AKAP13: variants seen among roughly 807,000 people sequenced by gnomAD.
The protein encoded by AKAP13 is A-kinase anchor protein 13.
In AKAP13, 80 loss-of-function variants were observed where a neutral mutation model predicts 264.5. The observed-to-expected ratio is 0.30, with a 90% CI of 0.25 to 0.36. The LOEUF (loss-of-function observed/expected upper bound fraction) is 0.36. AKAP13 is among the 10% of genes least tolerant of loss of function. The pLI is 1.00. For missense variants in AKAP13, 3,712 were observed against 3,435.2 expected (o/e 1.08, Z -2.01); for synonymous variants, 1,380 against 1,250.2 (o/e 1.10, Z -2.19).
chr15:85,580,878 T>C lies in AKAP13; in HGVS notation c.2810T>C (p.Ile937Thr), dbSNP rs761936841. The change falls in exon 7 of 37, where the codon ATT (isoleucine) becomes ACT (threonine). Residue 937 changes from isoleucine (I) to threonine (T), a missense_variant. Physicochemically the swap from Ile to Thr is moderately conservative, Grantham distance 89. This residue lies in a region of AKAP13 where 2,759 missense variants were observed against 2,411.7 expected (regional missense o/e 1.14). Transcript: ENST00000394518. ...DKDKAVTCSS[I>T]KENALSSGTL... ...GATAAAGCGGTGACCTGTTCCTCTA[T>C]TAAGGAAAATGCTCTCTCTTCAGGA... 1 of 1,614,124 alleles carries C rather than the reference T, an allele frequency of 6.2e-7. No homozygotes were observed. Among genetic ancestry groups the C allele is most frequent in the Non-Finnish European group, 8.5e-7 (1 of 1,180,022 alleles).
chr15:85,383,970 C>G (rs1426657082), intron 1 of AKAP13, among the ~76,000 whole-genome samples: 1 of 152,188 alleles, frequency 6.6e-6, no homozygotes, highest in African/African-American at 2.4e-5. Context: ...ACACCATTTA[C>G]AGAAGAAGGC....
Position 85,533,743 on chromosome 15 carries a change from A to G in AKAP13, c.341A>G (p.Asn114Ser). 6.2e-7 allele frequency: 1 copy of G among 1,614,142 alleles called. No individual in the cohort carries two copies. Among genetic ancestry groups the G allele is most frequent in the East Asian group, 2.2e-5 (1 of 44,880 alleles). ...ATSAGNQQAL[N>S]FTRFLDQSGP... is the part of the protein sequence containing the mutation. ...AGTGCTGGAAATCAGCAGGCTTTGA[A>G]CTTTACCCGTTTTCTTGACCAGTCA... The change falls in exon 4 of 37, where the codon AAC (asparagine) becomes AGC (serine). Residue 114 changes from asparagine to serine, a missense_variant. Around this residue, in one of 3 missense-constraint regions of AKAP13, gnomAD observed 2,759 missense variants for 2,411.7 expected, o/e 1.14. Coordinates refer to ENST00000394518, the MANE Select transcript of AKAP13 (RefSeq NM_007200.5).
At chr15:85,557,528 G>A (rs1450701022) in intron 5 of AKAP13, among the ~76,000 whole-genome samples, 1 of 152,104 alleles carries the variant, frequency 6.6e-6, no homozygotes, top group Admixed American at 6.5e-5. Context: ...CTGTTGCCCA[G>A]GTTGGAGTGC....
intron 8 of AKAP13, among the ~76,000 whole-genome samples, chr15:85,613,542 G>A (rs1341307002): frequency 1.3e-5 from 2 of 151,566 alleles, no homozygotes; most frequent in Non-Finnish European, 2.9e-5. Flanking sequence ...TTAGCTGGGC[G>A]TGGTGGCGGG....
At chr15:85,441,250 A>G (rs1176999709) in intron 1 of AKAP13, among the ~76,000 whole-genome samples, 2 of 151,994 alleles carry the variant, frequency 1.3e-5, no homozygotes, top group Non-Finnish European at 2.9e-5. Flanking sequence ...ATAATGACCA[A>G]TAATGTTAAG....
intron 30 of AKAP13, among the ~76,000 whole-genome samples, chr15:85,731,925 A>C (rs568451551): frequency 1.9e-4 from 29 of 152,228 alleles, no homozygotes; most frequent in African/African-American, 6.7e-4. Context: ...CCTACTAAAA[A>C]TACAAAAATT....
At chr15:85,553,732 G>C (rs537450974) in intron 5 of AKAP13, among the ~76,000 whole-genome samples, 1 of 152,340 alleles carries the variant, frequency 6.6e-6, no homozygotes, top group East Asian at 1.9e-4. Context: ...TGGACTGTTA[G>C]GACCCAGGTT....
chr15:85,640,393 T>G (rs1037258894), intron 9 of AKAP13, among the ~76,000 whole-genome samples: 1 of 152,236 alleles, frequency 6.6e-6, no homozygotes. Flanking sequence ...AGAAATAGTT[T>G]ACATGTAGAT....
chr15:85,685,030 A>G (rs749451379), intron 16 of AKAP13, 157 bp downstream of exon 16: 6 of 923,494 alleles, frequency 6.5e-6, no homozygotes, highest in Non-Finnish European at 9.4e-6. Flanking sequence ...AATAATAAGA[A>G]GAAAAATAGC....
At chr15:85,647,933 A>C (rs1231597004) in intron 10 of AKAP13, among the ~76,000 whole-genome samples, 2 of 152,218 alleles carry the variant, frequency 1.3e-5, no homozygotes, top group Non-Finnish European at 2.9e-5. Flanking sequence ...ATCTCAAAAA[A>C]ACAAAAAACA....
chr15:85,618,769 A>G (rs1490314306), intron 8 of AKAP13, among the ~76,000 whole-genome samples: 1 of 152,206 alleles, frequency 6.6e-6, no homozygotes, highest in African/African-American at 2.4e-5. Flanking sequence ...ATTAACATAC[A>G]CAGAACTCCT....
rs1233090940 is a variant in AKAP13 at position 85,465,741 on chromosome 15, C to G, written c.-11-19969C>G. ...TGTATATGTGCCACATTTTCTTAAT[C>G]CAGTCTATCATTGTTGGACATTTCG... On this transcript the variant is annotated intron_variant, in intron 1 of 36. Coordinates refer to ENST00000394518, the MANE Select transcript of AKAP13 (RefSeq NM_007200.5). Among the ~76,000 whole-genome samples, 3 of 151,082 alleles carry G rather than the reference C, an allele frequency of 2.0e-5. No homozygotes were observed. The East Asian group carries it at 5.8e-4, about 29-fold the overall frequency.
At chr15:85,405,619 G>A (rs2071624431) in intron 1 of AKAP13, among the ~76,000 whole-genome samples, 1 of 152,174 alleles carries the variant, frequency 6.6e-6, no homozygotes, top group African/African-American at 2.4e-5. Flanking sequence ...AGAAATATGA[G>A]ATACAAAGAA....
intron 1 of AKAP13, among the ~76,000 whole-genome samples, chr15:85,414,710 A>G (rs1337934589): frequency 1.3e-5 from 2 of 152,224 alleles, no homozygotes; most frequent in African/African-American, 2.4e-5. Context: ...TCTAAGATGA[A>G]TAGTTAATTT....
At chr15:85,559,415 G>C (rs528854779) in intron 5 of AKAP13, among the ~76,000 whole-genome samples, 1 of 152,162 alleles carries the variant, frequency 6.6e-6, no homozygotes, top group South Asian at 2.1e-4. Flanking sequence ...CCTGTGGGAG[G>C]AGGGGATGTG....
At chr15:85,596,520 G>A (rs920043636) in intron 8 of AKAP13, among the ~76,000 whole-genome samples, 2 of 152,090 alleles carry the variant, frequency 1.3e-5, no homozygotes, top group Non-Finnish European at 2.9e-5. Flanking sequence ...GGAGGTGGAG[G>A]CTGCGGTGAC....
intron 1 of AKAP13, among the ~76,000 whole-genome samples, chr15:85,473,351 C>T (rs988335820): frequency 2.0e-5 from 3 of 152,154 alleles, no homozygotes; most frequent in Non-Finnish European, 2.9e-5. Context: ...ATGTAAACCA[C>T]GCAAACAAAA....
intron 17 of AKAP13, among the ~76,000 whole-genome samples, chr15:85,703,117 A>G (rs1209126466): frequency 6.6e-6 from 1 of 152,224 alleles, no homozygotes; most frequent in Non-Finnish European, 1.5e-5. Flanking sequence ...CTAAGTAGGA[A>G]ACATAAGAAT....
intron 19 of AKAP13, among the ~76,000 whole-genome samples, chr15:85,715,207 C>T (rs1849560040): frequency 6.6e-6 from 1 of 152,080 alleles, no homozygotes; most frequent in South Asian, 2.1e-4. Flanking sequence ...TGATTTTCCT[C>T]CCCTTAATAG....
Sources: gnomAD v4.1 joint callset for allele counts (sites outside exome capture counted in the v4.1 genomes callset) on GRCh38, gnomAD v4.1.1 for gene constraint, gnomAD v4.1.1 regional missense constraint, MANE v1.5 for transcripts, NCBI Gene and HGNC (gene_info 2026-07-23, HGNC 2026-07-21) for gene names.